FBXL7: variants seen among roughly 807,000 people sequenced by gnomAD.
The protein encoded by FBXL7 is F-box/LRR-repeat protein 7.
In FBXL7, 12 loss-of-function variants were observed where a neutral mutation model predicts 38.3. That is an observed-to-expected ratio of 0.31 (90% CI 0.20 to 0.51). FBXL7 has a LOEUF of 0.51. Among genes scored for constraint, FBXL7 ranks in the 20% least tolerant of loss-of-function variants. The pLI is 0.98. For synonymous variants in FBXL7, 297 were observed against 300.9 expected, an observed-to-expected ratio of 0.99 and a Z score of 0.13; for missense variants, 567 against 676.4, an observed-to-expected ratio of 0.84 and a Z score of 1.79.
At chr5:15,882,364 A>C (rs2126337882) in intron 2 of FBXL7, among the ~76,000 whole-genome samples, 1 of 152,312 alleles carries the variant, frequency 6.6e-6, no homozygotes, top group East Asian at 1.9e-4. Context: ...TGCTGGGCTC[A>C]GTGACTAGCC....
chr5:15,591,530 G>T (rs1205138925), intron 1 of FBXL7, among the ~76,000 whole-genome samples: 2 of 152,112 alleles, frequency 1.3e-5, no homozygotes, highest in Non-Finnish European at 2.9e-5. Flanking sequence ...AAAGGTTTGG[G>T]CACCTAGGAA....
intron 1 of FBXL7, among the ~76,000 whole-genome samples, chr5:15,576,806 T>A (rs1738982250): frequency 6.6e-6 from 1 of 152,094 alleles, no homozygotes; most frequent in South Asian, 2.1e-4. Flanking sequence ...TGTTTATACA[T>A]CTCATTACAA....
chr5:15,900,019 A>T (rs1309994143), intron 2 of FBXL7, among the ~76,000 whole-genome samples: 1 of 151,992 alleles, frequency 6.6e-6, no homozygotes, highest in Non-Finnish European at 1.5e-5. Context: ...TGGTAACCAC[A>T]CTATGATCCA....
chr5:15,817,510 G>T (rs1445737711), intron 2 of FBXL7, among the ~76,000 whole-genome samples: 1 of 152,098 alleles, frequency 6.6e-6, no homozygotes, highest in Non-Finnish European at 1.5e-5. Context: ...GGCTGATATG[G>T]TTTGGCTATG....
intron 2 of FBXL7, among the ~76,000 whole-genome samples, chr5:15,741,493 G>A (rs1028134370): frequency 1.3e-5 from 2 of 152,046 alleles, no homozygotes; most frequent in African/African-American, 4.8e-5. Flanking sequence ...TTATATACAT[G>A]GGAGGCCATT....
chr5:15,929,513 T>A (rs1157386999), intron 3 of FBXL7, among the ~76,000 whole-genome samples: 1 of 151,566 alleles, frequency 6.6e-6, no homozygotes, highest in Non-Finnish European at 1.5e-5. Flanking sequence ...CCAGCTATTC[T>A]ACTCAGAGGC....
At chr5:15,518,248 TGAG>T (rs1737000028) in intron 1 of FBXL7, among the ~76,000 whole-genome samples, 1 of 152,096 alleles carries the variant, frequency 6.6e-6, no homozygotes, top group African/African-American at 2.4e-5. Context: ...GTTACAGACA[TGAG>T]CCACCGTGCC....
chr5:15,790,003 A>G lies in FBXL7; in HGVS notation c.128-137887A>G, dbSNP rs542197258. Among the ~76,000 whole-genome samples, 4 of 152,302 alleles carry G rather than the reference A, an allele frequency of 2.6e-5. No homozygotes were observed. In the East Asian group the frequency reaches 7.7e-4, roughly 29 times the overall value. On this transcript the variant is annotated intron_variant, in intron 2 of 3. Coordinates refer to ENST00000504595, the MANE Select transcript of FBXL7 (RefSeq NM_012304.5). ...GGCCCCCGTGGCCAGATCTTCCAAC[A>G]CTGCTTGTTCCTATTTAGTTTACCT...
At position 15,846,779 on chromosome 5, in the gene FBXL7, C is replaced by G. The variant is rs533407059; in HGVS notation, c.128-81111C>G. Reference sequence around the variant, plus strand: ...AACAGATGAAAAAAGAGAAGGTTGTCATCTGTTATATACAGACAGCTTTTA... The same window carrying G: ...AACAGATGAAAAAAGAGAAGGTTGTGATCTGTTATATACAGACAGCTTTTA... On this transcript the variant is annotated intron_variant, in intron 2 of 3. Coordinates refer to ENST00000504595, the MANE Select transcript of FBXL7 (RefSeq NM_012304.5). Among the ~76,000 whole-genome samples, 19 of 152,230 alleles carry G rather than the reference C, an allele frequency of 1.2e-4. 1 individual carries two copies. In the South Asian group the frequency reaches 3.9e-3, roughly 32 times the overall value.
intron 1 of FBXL7, among the ~76,000 whole-genome samples, chr5:15,531,986 A>G (rs1737445883): frequency 6.6e-6 from 1 of 152,236 alleles, no homozygotes; most frequent in Non-Finnish European, 1.5e-5. Flanking sequence ...ATCTTCAGCT[A>G]TAAAATGGAG....
intron 2 of FBXL7, among the ~76,000 whole-genome samples, chr5:15,797,565 C>T (rs76039715): frequency 0.036 from 5,554 of 152,272 alleles, 352 homozygotes; most frequent in African/African-American, 0.13. Context: ...CAATTGGGCC[C>T]CCTGGCCAAA....
At chr5:15,664,419 G>A (rs1470210659) in intron 2 of FBXL7, among the ~76,000 whole-genome samples, 1 of 150,828 alleles carries the variant, frequency 6.6e-6, no homozygotes, top group Admixed American at 6.6e-5. Context: ...ATCTTTTCTG[G>A]AGTTTACCGT....
In FBXL7 at chr5:15,928,679, A is replaced by C. The variant is rs1168970101; in HGVS notation, c.739+178A>C. On this transcript the variant is annotated intron_variant, in intron 3 of 3. Transcript: ENST00000504595. This position sits in a 1 kb window ranked among gnomAD's most constrained non-coding sequence, Gnocchi z 4.0. ...CTATGGAATCATGACCCTGGAGGCC[A>C]CAAGTTTCCCTTTCATCAAATAATG... is the stretch of plus-strand genomic sequence containing the variant. Among the ~76,000 whole-genome samples the C allele has an allele frequency of 1.3e-5, 2 of 152,036 alleles. No homozygotes were observed. The highest frequency in any genetic ancestry group is 6.5e-5 in the Admixed American group (1 of 15,272).
intron 2 of FBXL7, among the ~76,000 whole-genome samples, chr5:15,797,342 C>T (rs1025849834): frequency 5.3e-5 from 8 of 152,208 alleles, no homozygotes; most frequent in African/African-American, 1.9e-4. Flanking sequence ...GATATGTGGT[C>T]TCTCTATATA....
intron 1 of FBXL7, among the ~76,000 whole-genome samples, chr5:15,565,424 T>C (rs56391943): frequency 0.14 from 20,576 of 151,954 alleles, 1,518 homozygotes; most frequent in African/African-American, 0.19. Context: ...GGTCATGTTG[T>C]ATTAGTCAGG....
chr5:15,722,397 C>A (rs762861774), intron 2 of FBXL7, among the ~76,000 whole-genome samples: 1 of 152,132 alleles, frequency 6.6e-6, no homozygotes, highest in Admixed American at 6.5e-5. Flanking sequence ...ACAGCCTGCA[C>A]GTCCAGGCTC....
At chr5:15,502,476 A>G (rs980863813) in intron 1 of FBXL7, among the ~76,000 whole-genome samples, 2 of 152,286 alleles carry the variant, frequency 1.3e-5, no homozygotes, top group East Asian at 3.9e-4. Flanking sequence ...GTGAAATTTC[A>G]CTGGGATCAG....
At chr5:15,624,073 G>A (rs1740732316) in intron 2 of FBXL7, among the ~76,000 whole-genome samples, 1 of 152,194 alleles carries the variant, frequency 6.6e-6, no homozygotes, top group Admixed American at 6.5e-5. Context: ...TAGGAGAAGT[G>A]TGTTTTCCAA....
intron 1 of FBXL7, among the ~76,000 whole-genome samples, chr5:15,598,877 C>T (rs1281500512): frequency 6.6e-6 from 1 of 152,158 alleles, no homozygotes; most frequent in African/African-American, 2.4e-5. Context: ...ACATCAGTCT[C>T]ACCCAACCAT....
Sources: gnomAD v4.1 joint callset for allele counts (sites outside exome capture counted in the v4.1 genomes callset) on GRCh38, gnomAD v4.1.1 for gene constraint, Gnocchi (gnomAD v3.1) non-coding constraint, MANE v1.5 for transcripts, NCBI Gene and HGNC (gene_info 2026-07-23, HGNC 2026-07-21) for gene names.